Variants in ENTREP2 observed in about 807,000 individuals in gnomAD.
ENTREP2 encodes the protein protein ENTREP2.
At chr15:29,664,626 G>A in the ENTREP2 span, among the ~76,000 whole-genome samples, 1 of 152,014 alleles carries the variant, frequency 6.6e-6, no homozygotes, top group Admixed American at 6.6e-5. Context: ...CCACTGACTC[G>A]GACCCGCATT....
the ENTREP2 span, among the ~76,000 whole-genome samples, chr15:29,135,614 C>T: frequency 2.6e-4 from 39 of 152,262 alleles, no homozygotes; most frequent in South Asian, 2.5e-3. This position sits in a 1 kb window ranked among gnomAD's most constrained non-coding sequence, Gnocchi z 7.4. Flanking sequence ...GGCTCCATTA[C>T]GGACAACATC....
chr15:29,287,090 A>C, the ENTREP2 span, among the ~76,000 whole-genome samples: 3 of 152,208 alleles, frequency 2.0e-5, no homozygotes, highest in African/African-American at 7.2e-5. Flanking sequence ...TCATAGGAAC[A>C]AGTCATGTAG....
At chr15:29,465,418 C>T in the ENTREP2 span, among the ~76,000 whole-genome samples, 2 of 152,202 alleles carry the variant, frequency 1.3e-5, no homozygotes, top group Non-Finnish European at 2.9e-5. Context: ...ACACTGCAAG[C>T]TCCCCATCCC....
chr15:29,242,785 C>T, the ENTREP2 span, among the ~76,000 whole-genome samples: 1 of 152,164 alleles, frequency 6.6e-6, no homozygotes, highest in Non-Finnish European at 1.5e-5. Flanking sequence ...CTCAGAGAAC[C>T]GCAGAGCTGG....
chr15:29,128,057 G>C, the ENTREP2 span, among the ~76,000 whole-genome samples: 1 of 152,218 alleles, frequency 6.6e-6, no homozygotes, highest in East Asian at 1.9e-4. Flanking sequence ...CTGAGTGAGT[G>C]TTCAGCAGGG....
At chr15:29,196,631 T>C in the ENTREP2 span, 1 of 1,508,502 alleles carries the variant, frequency 6.6e-7, no homozygotes, top group South Asian at 1.3e-5. Flanking sequence ...TACGCGTGAG[T>C]GACACAGTTC....
the ENTREP2 span, among the ~76,000 whole-genome samples, chr15:29,540,928 G>A: frequency 8.5e-5 from 13 of 152,200 alleles, no homozygotes; most frequent in Admixed American, 5.9e-4. Flanking sequence ...CCTAGATGAT[G>A]TCCTAGTGGC....
At chr15:29,523,438 T>C in the ENTREP2 span, among the ~76,000 whole-genome samples, 5 of 152,008 alleles carry the variant, frequency 3.3e-5, no homozygotes, top group African/African-American at 7.2e-5. Flanking sequence ...TTGAAATGAA[T>C]TGAAGAAAGC....
chr15:29,317,526 C>G, the ENTREP2 span, among the ~76,000 whole-genome samples: 1 of 152,152 alleles, frequency 6.6e-6, no homozygotes, highest in Admixed American at 6.5e-5. Context: ...AAGACTCAAT[C>G]AAATTCAAGT....
chr15:29,310,036 T>C, the ENTREP2 span, among the ~76,000 whole-genome samples: 2 of 152,076 alleles, frequency 1.3e-5, no homozygotes, highest in East Asian at 3.9e-4. Context: ...TGATTCTTCA[T>C]GAGATGAGCC....
chr15:29,465,693 C>A, the ENTREP2 span, among the ~76,000 whole-genome samples: 771 of 152,306 alleles, frequency 5.1e-3, 7 homozygotes, highest in African/African-American at 0.018. Context: ...CAAACCCCAA[C>A]ATAAAGATAT....
chr15:29,650,835 CCT>C, the ENTREP2 span, among the ~76,000 whole-genome samples: 98 of 152,106 alleles, frequency 6.4e-4, no homozygotes, highest in African/African-American at 2.3e-3. Context: ...ATAGCAAGAC[CCT>C]GTTTCCAAAA....
chr15:29,245,614 T>TATATATATA, the ENTREP2 span, among the ~76,000 whole-genome samples: 1 of 150,604 alleles, frequency 6.6e-6, no homozygotes, highest in Admixed American at 6.6e-5. Flanking sequence ...TATATATATG[T>TATATATATA]ATATAATATA....
chr15:29,142,194 T>G, the ENTREP2 span, among the ~76,000 whole-genome samples: 1 of 152,058 alleles, frequency 6.6e-6, no homozygotes, highest in Non-Finnish European at 1.5e-5. Flanking sequence ...AATCTGAAAA[T>G]CATTGATGGT....
the ENTREP2 span, among the ~76,000 whole-genome samples, chr15:29,536,684 C>A: frequency 1.3e-5 from 2 of 151,780 alleles, no homozygotes; most frequent in African/African-American, 4.8e-5. Flanking sequence ...GAAAGAAGGT[C>A]TTTGCAGATT....
At chr15:29,351,402 GTCT>G in the ENTREP2 span, among the ~76,000 whole-genome samples, 54 of 152,146 alleles carry the variant, frequency 3.5e-4, no homozygotes, top group African/African-American at 1.2e-3. Context: ...TGACATGGGA[GTCT>G]TCTTATTTTT....
At chr15:29,220,614 A>C in the ENTREP2 span, among the ~76,000 whole-genome samples, 5 of 152,178 alleles carry the variant, frequency 3.3e-5, no homozygotes, top group African/African-American at 1.2e-4. Context: ...AACGGTGGGA[A>C]ACTTACATCG....
the ENTREP2 span, among the ~76,000 whole-genome samples, chr15:29,392,822 G>T: frequency 5.3e-5 from 8 of 152,134 alleles, no homozygotes; most frequent in African/African-American, 1.9e-4. Flanking sequence ...TCCTCCAAAT[G>T]TCTTAGTTTT....
the ENTREP2 span, among the ~76,000 whole-genome samples, chr15:29,336,658 T>C: frequency 1.3e-5 from 2 of 152,192 alleles, no homozygotes; most frequent in Non-Finnish European, 2.9e-5. Flanking sequence ...AACAGTGACC[T>C]GAATCTGCCT....
Sources: gnomAD v4.1 joint callset for allele counts (sites outside exome capture counted in the v4.1 genomes callset) on GRCh38, gnomAD v4.1.1 for gene constraint, Gnocchi (gnomAD v3.1) non-coding constraint, MANE v1.5 for transcripts, NCBI Gene and HGNC (gene_info 2026-07-23, HGNC 2026-07-21) for gene names.